LYPLAL1: variants seen among roughly 807,000 people sequenced by gnomAD.
LYPLAL1 encodes lysophospholipase-like protein 1.
A neutral mutation model predicts 19.7 loss-of-function variants in LYPLAL1; 23 were observed. The observed-to-expected ratio is 1.17, with a 90% CI of 0.84 to 1.65. The LOEUF is 1.65. LYPLAL1 is among the 40% of genes most tolerant of loss of function. The probability of loss-of-function intolerance (pLI) is 0.00; values close to 1 mark genes in which losing one functional copy is unlikely to be tolerated. For synonymous variants in LYPLAL1, 119 were observed against 96.3 expected (o/e 1.24, Z -1.38); for missense variants, 355 against 279.4 (o/e 1.27, Z -1.93).
the LYPLAL1 span, among the ~76,000 whole-genome samples, chr1:219,375,176 G>A: frequency 1.3e-5 from 2 of 152,210 alleles, no homozygotes; most frequent in East Asian, 1.9e-4. Context: ...ACTTTGGTAC[G>A]GCAAAAGAGG....
chr1:219,241,624 CTG>C, the LYPLAL1 span, among the ~76,000 whole-genome samples: 1 of 152,082 alleles, frequency 6.6e-6, no homozygotes, highest in Non-Finnish European at 1.5e-5. Context: ...AATAAAGTAA[CTG>C]AGAGCTGTCA....
the LYPLAL1 span, among the ~76,000 whole-genome samples, chr1:219,300,165 G>A: frequency 6.6e-6 from 1 of 151,996 alleles, no homozygotes; most frequent in Non-Finnish European, 1.5e-5. Context: ...TTTAGTTTTT[G>A]CAGGGACAAG....
chr1:219,282,370 A>G, the LYPLAL1 span, among the ~76,000 whole-genome samples: 1 of 152,110 alleles, frequency 6.6e-6, no homozygotes, highest in African/African-American at 2.4e-5. Flanking sequence ...CTCTCCAGCT[A>G]CTAATTAGGA....
the LYPLAL1 span, among the ~76,000 whole-genome samples, chr1:219,307,778 T>C: frequency 6.6e-6 from 1 of 152,136 alleles, no homozygotes; most frequent in Non-Finnish European, 1.5e-5. Flanking sequence ...ACAAGTCTCA[T>C]GAGATCTGAT....
the LYPLAL1 span, among the ~76,000 whole-genome samples, chr1:219,299,618 G>A: frequency 2.1e-4 from 32 of 152,266 alleles, no homozygotes; most frequent in African/African-American, 6.0e-4. Context: ...TAGTGGAGCG[G>A]CAGCAACTCG....
chr1:219,181,104 T>C (rs1017474030), intron 2 of LYPLAL1, among the ~76,000 whole-genome samples: 1 of 152,108 alleles, frequency 6.6e-6, no homozygotes, highest in Admixed American at 6.6e-5. Flanking sequence ...TAATAATATA[T>C]TTTATTTAAC....
chr1:219,318,779 C>T, the LYPLAL1 span, among the ~76,000 whole-genome samples: 37 of 152,266 alleles, frequency 2.4e-4, no homozygotes, highest in African/African-American at 8.4e-4. Context: ...ATTACCGTGT[C>T]CTCAAACACT....
chr1:219,402,220 A>G, the LYPLAL1 span, among the ~76,000 whole-genome samples: 1 of 152,216 alleles, frequency 6.6e-6, no homozygotes, highest in African/African-American at 2.4e-5. Context: ...AACATTTTAT[A>G]TAATGATGTC....
the LYPLAL1 span, among the ~76,000 whole-genome samples, chr1:219,333,350 C>T: frequency 6.6e-6 from 1 of 152,048 alleles, no homozygotes; most frequent in African/African-American, 2.4e-5. Flanking sequence ...CAAGAAGCTC[C>T]TTTAACATCA....
the LYPLAL1 span, among the ~76,000 whole-genome samples, chr1:219,362,944 A>T: frequency 6.6e-6 from 1 of 151,912 alleles, no homozygotes; most frequent in Non-Finnish European, 1.5e-5. Flanking sequence ...GGATAGATGG[A>T]TGAATGCAAA....
chr1:219,319,780 A>G, the LYPLAL1 span, among the ~76,000 whole-genome samples: 1 of 152,188 alleles, frequency 6.6e-6, no homozygotes, highest in Non-Finnish European at 1.5e-5. Flanking sequence ...ATAAAGCAAT[A>G]ACATCAGGAT....
At chr1:219,267,147 T>G in the LYPLAL1 span, among the ~76,000 whole-genome samples, 147 of 152,260 alleles carry the variant, frequency 9.7e-4, 1 homozygote, top group East Asian at 0.026. Flanking sequence ...ACTGAATCAA[T>G]TCTCTTTGTG....
At chr1:219,328,855 G>A in the LYPLAL1 span, among the ~76,000 whole-genome samples, 1 of 152,062 alleles carries the variant, frequency 6.6e-6, no homozygotes, top group Non-Finnish European at 1.5e-5. Context: ...ACCTGGGATT[G>A]ACTAAAATTG....
the LYPLAL1 span, among the ~76,000 whole-genome samples, chr1:219,334,331 C>A: frequency 0.31 from 47,033 of 151,892 alleles, 8,659 homozygotes; most frequent in Non-Finnish European, 0.41. Flanking sequence ...TGCAATTCTG[C>A]TCCCCATTTA....
the LYPLAL1 span, among the ~76,000 whole-genome samples, chr1:219,325,296 A>G: frequency 9.9e-4 from 150 of 152,192 alleles, no homozygotes; most frequent in East Asian, 0.028. Flanking sequence ...TGTCATATAG[A>G]TTCACTCACT....
At chr1:219,411,589 C>A in the LYPLAL1 span, 38,741 of 152,088 alleles carry the variant, frequency 0.25, 5,043 homozygotes, top group African/African-American at 0.3. Flanking sequence ...GCAGGCTGCC[C>A]GAGCCAGCAT....
chr1:219,240,636 C>T, the LYPLAL1 span, among the ~76,000 whole-genome samples: 2 of 152,078 alleles, frequency 1.3e-5, no homozygotes. Context: ...GCCAAATTCC[C>T]CAAAATGAAT....
the LYPLAL1 span, among the ~76,000 whole-genome samples, chr1:219,294,360 T>C: frequency 6.6e-6 from 1 of 152,340 alleles, no homozygotes; most frequent in Admixed American, 6.5e-5. Flanking sequence ...CAACTTTCCA[T>C]TCCATCCTCT....
chr1:219,412,408 A>G, the LYPLAL1 span, among the ~76,000 whole-genome samples: 129 of 152,310 alleles, frequency 8.5e-4, no homozygotes, highest in Non-Finnish European at 1.6e-3. Context: ...CCCCTCCATC[A>G]TGCTATTTCT....
Sources: allele counts gnomAD v4.1 joint callset (sites outside exome capture counted in the v4.1 genomes callset), GRCh38; gene constraint gnomAD v4.1.1; transcripts MANE v1.5; gene names NCBI Gene and HGNC (gene_info 2026-07-23, HGNC 2026-07-21).